LIMS2: variants seen among roughly 807,000 people sequenced by gnomAD.
LIMS2 encodes LIM zinc finger domain containing 2, also known as LIM and senescent cell antigen-like-containing domain protein 2.
Under a neutral mutation model 45.3 loss-of-function variants are expected in LIMS2, and 30 were observed. The observed-to-expected ratio is 0.66, with a 90% confidence interval of 0.50 to 0.90. LIMS2 has a LOEUF of 0.90. LIMS2 is among the 40% of genes least tolerant of loss of function. LIMS2 has a pLI of 0.00. For synonymous variants in LIMS2, 173 were observed against 188.0 expected (o/e 0.92, Z 0.65); for missense variants, 485 against 468.7 (o/e 1.03, Z -0.32).
At chr2:127,651,134 T>C (rs1404364699) in intron 4 of LIMS2, 5 of 1,613,400 alleles carry the variant, frequency 3.1e-6, no homozygotes, top group Non-Finnish European at 4.2e-6. Context: ...TCCTGGCCAT[T>C]GTGCACCCGG....
chr2:127,678,574 A>G (rs1329528888), upstream of LIMS2, among the ~76,000 whole-genome samples: 3 of 152,220 alleles, frequency 2.0e-5, no homozygotes, highest in Non-Finnish European at 2.9e-5. The surrounding 1 kb of genome is among the most constrained non-coding windows in gnomAD (Gnocchi z 5.3). Flanking sequence ...TTGAGAAGGC[A>G]TCAAACACAG....
intron 3 of LIMS2, 120 bp downstream of exon 3, chr2:127,654,710 G>A (rs1684129803): frequency 6.9e-7 from 1 of 1,458,956 alleles, no homozygotes. Flanking sequence ...CGCTCAGAGA[G>A]GCAAGGTGGG....
At chr2:127,669,590 C>T (rs557652030) in intron 1 of LIMS2, among the ~76,000 whole-genome samples, 134 of 151,966 alleles carry the variant, frequency 8.8e-4, no homozygotes, top group African/African-American at 3.0e-3. Context: ...TGGTGGCACA[C>T]GCCTGTAGTC....
At chr2:127,641,847 G>T in intron 6 of LIMS2, 1 of 548,240 alleles carries the variant, frequency 1.8e-6, no homozygotes. Context: ...CCGTGTGTGT[G>T]CACTCGGGTC....
chr2:127,657,722 G>C (rs2105304778), intron 1 of LIMS2, among the ~76,000 whole-genome samples, 160 bp from the exon 2 acceptor site: 1 of 152,310 alleles, frequency 6.6e-6, no homozygotes, highest in East Asian at 1.9e-4. Context: ...GCTGCTCAGT[G>C]CTTGTAGTGC....
upstream of LIMS2, among the ~76,000 whole-genome samples, chr2:127,676,407 C>CTTTTT (rs10677718): frequency 1.5e-3 from 178 of 115,846 alleles, 3 homozygotes; most frequent in African/African-American, 4.2e-3. Flanking sequence ...GCAGTTGTTA[C>CTTTTT]TTTTTTTTTT....
intron 1 of LIMS2, among the ~76,000 whole-genome samples, chr2:127,659,534 G>A (rs561387133): frequency 2.6e-5 from 4 of 152,314 alleles, no homozygotes; most frequent in South Asian, 2.1e-4. Flanking sequence ...GTTTCCTTCC[G>A]GGAGAACACT....
In LIMS2 at chr2:127,642,842, A is replaced by T; in HGVS notation, c.509+81T>A. On this transcript the variant is annotated intron_variant, in intron 5 of 9. Transcript: ENST00000355119. This position sits in a 1 kb window ranked among gnomAD's most constrained non-coding sequence, Gnocchi z 5.3. ...CCCTCTCCCTCCTCAACACTTCCCC[A>T]GGTGGAGGCCCCACCGCCCTTACCC... 1 of 1,441,198 alleles carries T rather than the reference A, an allele frequency of 6.9e-7. No individual in the cohort carries two copies. Among genetic ancestry groups the T allele is most frequent in the Non-Finnish European group, 9.4e-7 (1 of 1,066,936 alleles). 89.3% of individuals were successfully genotyped at this position (1,441,198 alleles called of 1,614,324 possible).
chr2:127,654,807 A>T, intron 3 of LIMS2, 23 bp downstream of exon 3: 3 of 1,612,994 alleles, frequency 1.9e-6, no homozygotes, highest in Non-Finnish European at 2.5e-6. Flanking sequence ...GCAGCCCAGG[A>T]TGTGTACTGT....
At chr2:127,668,627 C>A (rs2105337404) in intron 1 of LIMS2, among the ~76,000 whole-genome samples, 1 of 120,488 alleles carries the variant, frequency 8.3e-6, no homozygotes, top group South Asian at 2.8e-4. Context: ...TGAGATCAGG[C>A]CACTGCATTC....
chr2:127,673,517 C>T (rs55879135), intron 1 of LIMS2, among the ~76,000 whole-genome samples: 3,669 of 152,276 alleles, frequency 0.024, 58 homozygotes, highest in Middle Eastern at 0.092. Flanking sequence ...GCTCACCTGA[C>T]GGCCTCCGTC....
rs562539624 is a variant in LIMS2 at position 127,655,316 on chromosome 2, G to T, written c.172-420C>A. On this transcript the variant is annotated intron_variant, in intron 2 of 9. Transcript: ENST00000355119. ...GCTCTCTCAGAGGCCATGAAGACCC[G>T]GGTATAGGAGACAGAAGGAAGGGAA... is the stretch of plus-strand genomic sequence containing the variant. 1.2e-5 allele frequency: 3 copies of T among 241,054 alleles called. No individual in the cohort carries two copies. In the East Asian group the frequency reaches 3.1e-4, roughly 25 times the overall value. 14.9% of individuals were successfully genotyped at this position (241,054 alleles called of 1,614,324 possible). A position where few individuals can be genotyped will look rare whatever the true frequency, so the allele number is the denominator to read the frequency against.
rs757721098 is a variant in LIMS2 at position 127,640,239 on chromosome 2, G to T, written c.802+31C>A. The T allele has an allele frequency of 2.5e-6, 4 of 1,612,836 alleles. No individual in the cohort carries two copies. The African/African-American group carries it at 4.0e-5, about 16-fold the overall frequency. On this transcript the variant is annotated intron_variant, in intron 8 of 9. Transcript: ENST00000355119. ...CAGCACCCAGGCCCCAGGAGAGCAG[G>T]TGGGGTGGGGGAGGGAACACAGGGC...
chr2:127,652,670 C>T (rs11688303), intron 4 of LIMS2: 16,289 of 155,368 alleles, frequency 0.1, 1,073 homozygotes, highest in South Asian at 0.22. Flanking sequence ...CAACATGAAG[C>T]GTTTCCCAGA....
chr2:127,650,657 A>G (rs1683650536), intron 4 of LIMS2: 2 of 1,210,632 alleles, frequency 1.7e-6, no homozygotes, highest in South Asian at 1.4e-5. Flanking sequence ...TGGACTTCAG[A>G]GAGCGTGAAG....
intron 6 of LIMS2, 85 bp from the exon 7 acceptor site, chr2:127,641,073 C>T (rs988368992): frequency 1.9e-6 from 2 of 1,080,344 alleles, no homozygotes; most frequent in African/African-American, 1.5e-5. Context: ...ACAACAGTGA[C>T]CCCAGGAGCC....
At chr2:127,644,015 C>G (rs951835862) in intron 4 of LIMS2, 1 of 455,608 alleles carries the variant, frequency 2.2e-6, no homozygotes, top group Non-Finnish European at 4.4e-6. Flanking sequence ...TTATGGTGGG[C>G]AGACCCCAGA....
chr2:127,661,744 A>G (rs1224739045), intron 1 of LIMS2, among the ~76,000 whole-genome samples: 1 of 152,158 alleles, frequency 6.6e-6, no homozygotes, highest in African/African-American at 2.4e-5. Flanking sequence ...TTGTTGCAAG[A>G]TGTCCCTGAG....
intron 1 of LIMS2, among the ~76,000 whole-genome samples, chr2:127,658,899 A>G (rs1684437104): frequency 6.6e-6 from 1 of 152,128 alleles, no homozygotes; most frequent in South Asian, 2.1e-4. Flanking sequence ...GCCTCCCAGG[A>G]TGAATCCCAC....
Sources: gnomAD v4.1 joint callset for allele counts (sites outside exome capture counted in the v4.1 genomes callset) on GRCh38, gnomAD v4.1.1 for gene constraint, Gnocchi (gnomAD v3.1) non-coding constraint, MANE v1.5 for transcripts, NCBI Gene and HGNC (gene_info 2026-07-23, HGNC 2026-07-21) for gene names.